Variants in SPECC1 observed in about 807,000 individuals in gnomAD.
SPECC1 encodes cytospin-B.
Under a neutral mutation model 104.1 loss-of-function variants are expected in SPECC1, and 62 were observed. The observed-to-expected ratio is 0.60, with a 90% CI of 0.49 to 0.74. SPECC1 has a LOEUF of 0.74. Ranked by LOEUF, SPECC1 falls within the 30% of genes least tolerant of loss-of-function variation. SPECC1 has a pLI of 0.00. For synonymous variants in SPECC1, 513 were observed against 501.6 expected (o/e 1.02, Z -0.30); for missense variants, 1,306 against 1,310.5 (o/e 1.00, Z 0.05).
chr17:20,078,228 C>T (rs1178066163), intron 1 of SPECC1, among the ~76,000 whole-genome samples: 1 of 151,088 alleles, frequency 6.6e-6, no homozygotes, highest in Admixed American at 6.6e-5. Flanking sequence ...GTTTGAGTTG[C>T]ATATGCAAAA....
chr17:20,037,004 T>C lies in SPECC1; in HGVS notation c.-22+27580T>C, dbSNP rs1048098014. ...TTCCCCTTTATTCTTATTTTTCTTA[T>C]TAGAGTATCATGAATGGATATTGGA... On this transcript the variant is annotated intron_variant, in intron 1 of 14. Coordinates refer to ENST00000395527, the MANE Select transcript of SPECC1 (RefSeq NM_001243439.2). Among the ~76,000 whole-genome samples the C allele has an allele frequency of 1.4e-4, 22 of 152,172 alleles. 1 individual carries two copies. Among genetic ancestry groups the C allele is most frequent in the Non-Finnish European group, 5.9e-5 (4 of 68,030 alleles).
chr17:20,101,630 G>C (rs1299197754), intron 2 of SPECC1, among the ~76,000 whole-genome samples: 1 of 152,184 alleles, frequency 6.6e-6, no homozygotes, highest in Non-Finnish European at 1.5e-5. Context: ...AAGAGAACCT[G>C]CAGTGTCATT....
intron 4 of SPECC1, among the ~76,000 whole-genome samples, chr17:20,208,786 G>C (rs1388313194): frequency 6.6e-6 from 1 of 152,276 alleles, no homozygotes; most frequent in East Asian, 1.9e-4. Context: ...GCAAGTATTT[G>C]CTAAGAGGTG....
At chr17:20,291,520 T>C (rs2041162663) in intron 12 of SPECC1, among the ~76,000 whole-genome samples, 1 of 152,162 alleles carries the variant, frequency 6.6e-6, no homozygotes, top group Admixed American at 6.5e-5. Flanking sequence ...TCACAGGCAC[T>C]CAGCAAATGC....
At chr17:20,312,028 T>C (rs1456053720) in intron 14 of SPECC1, among the ~76,000 whole-genome samples, 1 of 152,196 alleles carries the variant, frequency 6.6e-6, no homozygotes, top group Non-Finnish European at 1.5e-5. Context: ...TATTATACTT[T>C]TATAGGTTAA....
chr17:20,232,114 G>C, intron 6 of SPECC1, 86 bp from the exon 7 acceptor site: 2 of 1,500,180 alleles, frequency 1.3e-6, no homozygotes, highest in South Asian at 2.4e-5. Flanking sequence ...TTTTTTCTTG[G>C]TGACCAACAC....
At chr17:20,162,569 C>G (rs1234014594) in intron 3 of SPECC1, among the ~76,000 whole-genome samples, 2 of 152,204 alleles carry the variant, frequency 1.3e-5, no homozygotes, top group African/African-American at 4.8e-5. Flanking sequence ...TTAAAATAGA[C>G]ACACATAGAA....
chr17:20,147,437 T>A (rs1416602200), intron 3 of SPECC1, among the ~76,000 whole-genome samples: 1 of 152,168 alleles, frequency 6.6e-6, no homozygotes, highest in Non-Finnish European at 1.5e-5. Flanking sequence ...TGGTAAAAAA[T>A]TATTGTTAAT....
intron 3 of SPECC1, among the ~76,000 whole-genome samples, chr17:20,124,080 T>C (rs1258594473): frequency 6.6e-6 from 1 of 151,914 alleles, no homozygotes; most frequent in Non-Finnish European, 1.5e-5. Flanking sequence ...GGTGGGTGGG[T>C]CAGTTTCTTG....
intron 3 of SPECC1, among the ~76,000 whole-genome samples, chr17:20,128,431 T>G (rs190380049): frequency 6.6e-6 from 1 of 152,318 alleles, no homozygotes; most frequent in Admixed American, 6.5e-5. Flanking sequence ...TGTGTTCTCC[T>G]ATTCAGGAGT....
intron 3 of SPECC1, among the ~76,000 whole-genome samples, chr17:20,115,668 A>C (rs1340251055): frequency 6.6e-6 from 1 of 152,168 alleles, no homozygotes; most frequent in Non-Finnish European, 1.5e-5. Context: ...AAGAAGAAAA[A>C]CTGTAGTTAT....
At position 20,204,380 on chromosome 17, in the gene SPECC1, T is replaced by C; in HGVS notation, c.331T>C (p.Phe111Leu). ...GACAGGCATTCCAGCCCCACGGGAATTTTCAGTAACTGTCTCAAGAGAGAG... is the reference window on the plus strand; with the variant it reads ...GACAGGCATTCCAGCCCCACGGGAACTTTCAGTAACTGTCTCAAGAGAGAG... ...KRTGIPAPRE[F>L]SVTVSRERSV... Residue 111 changes from phenylalanine to leucine, a missense_variant, in exon 4 of 15, where the codon TTT becomes CTT. Coordinates refer to ENST00000395527, the MANE Select transcript of SPECC1 (RefSeq NM_001243439.2). 2.5e-6 allele frequency: 4 copies of C among 1,613,994 alleles called. No homozygotes were observed. Among genetic ancestry groups the C allele is most frequent in the Non-Finnish European group, 3.4e-6 (4 of 1,179,998 alleles).
chr17:20,062,064 G>A (rs1286372160), intron 1 of SPECC1, among the ~76,000 whole-genome samples: 3 of 151,858 alleles, frequency 2.0e-5, no homozygotes, highest in East Asian at 3.9e-4. Flanking sequence ...ATCCTGGCTA[G>A]CACGGTGAAA....
chr17:20,075,734 T>G (rs1249989166), intron 1 of SPECC1, among the ~76,000 whole-genome samples: 1 of 152,016 alleles, frequency 6.6e-6, no homozygotes, highest in East Asian at 1.9e-4. Context: ...TCGCTTGAGC[T>G]CAGGAGTTCA....
chr17:20,243,009 G>A (rs1264447730), intron 7 of SPECC1, among the ~76,000 whole-genome samples: 3 of 152,182 alleles, frequency 2.0e-5, no homozygotes, highest in Non-Finnish European at 4.4e-5. Context: ...TATTTAATGT[G>A]TGATGTAACT....
intron 4 of SPECC1, among the ~76,000 whole-genome samples, chr17:20,216,272 C>T (rs1436043486): frequency 6.6e-6 from 1 of 152,062 alleles, no homozygotes; most frequent in African/African-American, 2.4e-5. Context: ...TCCCCCCCAC[C>T]CCCAAGCACT....
chr17:20,026,861 T>C (rs527631004), intron 1 of SPECC1, among the ~76,000 whole-genome samples: 1 of 152,262 alleles, frequency 6.6e-6, no homozygotes, highest in African/African-American at 2.4e-5. Flanking sequence ...AACCTCAGTA[T>C]TATTTTCCAT....
chr17:20,176,425 C>T (rs1209719376), intron 3 of SPECC1, among the ~76,000 whole-genome samples: 1 of 152,184 alleles, frequency 6.6e-6, no homozygotes, highest in Non-Finnish European at 1.5e-5. Flanking sequence ...CTCTCCTTCT[C>T]CCACTACCCT....
At chr17:20,103,717 G>A (rs1192729297) in intron 2 of SPECC1, among the ~76,000 whole-genome samples, 1 of 152,126 alleles carries the variant, frequency 6.6e-6, no homozygotes, top group African/African-American at 2.4e-5. Flanking sequence ...CCCAGGAGGA[G>A]TGCCCCCCTC....
Sources: allele counts gnomAD v4.1 joint callset (sites outside exome capture counted in the v4.1 genomes callset), GRCh38; gene constraint gnomAD v4.1.1; transcripts MANE v1.5; gene names NCBI Gene and HGNC (gene_info 2026-07-23, HGNC 2026-07-21).